Variants in GALNT3 observed in about 807,000 individuals in gnomAD.
GALNT3 encodes GalNAc transferase 3.
GALNT3 carries 51 observed loss-of-function variants against 69.8 expected under a neutral mutation model. That is an observed-to-expected ratio of 0.73 (90% confidence interval 0.58 to 0.92). GALNT3 has a LOEUF of 0.92. Among genes scored for constraint, GALNT3 ranks in the 40% least tolerant of loss-of-function variants. The pLI, the probability that GALNT3 is intolerant of heterozygous loss-of-function variation, is 0.00. For synonymous variants in GALNT3, 265 were observed against 248.5 expected (o/e 1.07, Z -0.63); for missense variants, 711 against 760.0 (o/e 0.94, Z 0.76).
intron 9 of GALNT3, 141 bp from the exon 10 acceptor site, chr2:165,750,035 C>A: frequency 1.2e-6 from 1 of 818,312 alleles, no homozygotes; most frequent in Non-Finnish European, 2.0e-6. Context: ...TTATTAGAAA[C>A]ATAAGCTGAG....
Position 165,785,006 on chromosome 2 carries a change from T to A in GALNT3, c.-109+9009A>T, listed in dbSNP as rs1683189984. On this transcript the variant is annotated intron_variant, in intron 1 of 10. Coordinates refer to ENST00000392701, the MANE Select transcript of GALNT3 (RefSeq NM_004482.4). ...ATCAGGTGTTTTTCCCCCTTTCTCC[T>A]TATCTCATTTGACTCAGAATTATCA... 2.0e-5 allele frequency among the ~76,000 whole-genome samples: 3 copies of A among 152,218 alleles called. No homozygotes were observed. The South Asian group carries it at 6.2e-4, about 31-fold the overall frequency.
At chr2:165,784,306 A>G (rs997400002) in intron 1 of GALNT3, among the ~76,000 whole-genome samples, 2 of 152,220 alleles carry the variant, frequency 1.3e-5, no homozygotes, top group African/African-American at 4.8e-5. Flanking sequence ...ACGGAAGTTT[A>G]GAATGATTGT....
intron 3 of GALNT3, among the ~76,000 whole-genome samples, chr2:165,762,983 T>A (rs950542712): frequency 9.1e-4 from 116 of 127,306 alleles, no homozygotes; most frequent in African/African-American, 3.1e-3. Flanking sequence ...TTTTTTTTTT[T>A]AGAGACGGGG....
rs771743247 is a variant in GALNT3, at chr2:165,759,480, T to C, written c.929A>G (p.Asp310Gly). The change falls in exon 5 of 11, where the codon GAT becomes GGT. Residue 310 changes from aspartate (D) to glycine (G), a missense_variant. By Grantham distance (94) the Asp-to-Gly change is moderately conservative. Coordinates refer to ENST00000392701, the MANE Select transcript of GALNT3 (RefSeq NM_004482.4). ...AVVSPDIASI[D>G]LNTFEFNKPS... Reference sequence around the variant, plus strand: ...TTTGTTGAATTCAAACGTGTTCAGATCTATGGATGCAATATCTGGACTTAC... The same window carrying C: ...TTTGTTGAATTCAAACGTGTTCAGACCTATGGATGCAATATCTGGACTTAC... 1 of 1,614,084 alleles carries C rather than the reference T, an allele frequency of 6.2e-7. No homozygotes were observed. Among genetic ancestry groups the C allele is most frequent in the South Asian group, 1.1e-5 (1 of 91,080 alleles).
intron 3 of GALNT3, among the ~76,000 whole-genome samples, chr2:165,763,412 C>A (rs1340483268): frequency 2.6e-5 from 4 of 152,116 alleles, no homozygotes; most frequent in East Asian, 3.8e-4. Flanking sequence ...AGTGCAGGAA[C>A]AACCCTTGTA....
At position 165,777,005 on chromosome 2, in the gene GALNT3, G is replaced by C. The variant is rs563415314; in HGVS notation, c.-108-6197C>G. On this transcript the variant is annotated intron_variant, in intron 1 of 10. Coordinates refer to ENST00000392701, the MANE Select transcript of GALNT3 (RefSeq NM_004482.4). ...AGCATAGGTTGCAGAAATATTAGTT[G>C]TTCATTTAACCTAAAAATTCCAACT... Among the ~76,000 whole-genome samples, 17 of 152,250 alleles carry C rather than the reference G, an allele frequency of 1.1e-4. 1 individual carries two copies. Among genetic ancestry groups the C allele is most frequent in the African/African-American group, 2.9e-4 (12 of 41,548 alleles).
intron 1 of GALNT3, among the ~76,000 whole-genome samples, chr2:165,792,760 C>T (rs1346708352): frequency 6.6e-6 from 1 of 151,738 alleles, no homozygotes; most frequent in East Asian, 1.9e-4. Context: ...AACATGTGCA[C>T]TAGATTTCAG....
rs2059432 is a variant in GALNT3, at chr2:165,764,803, G to C, written c.688+81C>G. The C allele has an allele frequency of 1.2e-3, 1,680 of 1,390,916 alleles. 15 individuals carry two copies. The African/African-American group carries it at 0.021, about 17-fold the overall frequency. 86.2% of individuals were successfully genotyped at this position (1,390,916 alleles called of 1,614,324 possible). A position where few individuals can be genotyped will look rare whatever the true frequency, so the allele number is the denominator to read the frequency against. On this transcript the variant is annotated intron_variant, in intron 3 of 10. Coordinates refer to ENST00000392701, the MANE Select transcript of GALNT3 (RefSeq NM_004482.4). Reference sequence around the variant, plus strand: ...TATTCAAGCTCTGAGATGGCATACAGAGAGTACCACATAACCAAGTAGACT... The same window carrying C: ...TATTCAAGCTCTGAGATGGCATACACAGAGTACCACATAACCAAGTAGACT...
At chr2:165,772,342 TAGGAAGCTG>T (rs2105422058) in intron 1 of GALNT3, among the ~76,000 whole-genome samples, 1 of 152,066 alleles carries the variant, frequency 6.6e-6, no homozygotes, top group South Asian at 2.1e-4. Flanking sequence ...CCCAACACTT[TAGGAAGCTG>T]AGGCCAGAGG....
intron 1 of GALNT3, among the ~76,000 whole-genome samples, chr2:165,789,160 T>C (rs2105233453): frequency 6.6e-6 from 1 of 152,266 alleles, no homozygotes. Flanking sequence ...ACTGGGTAAT[T>C]TAAACAACAC....
intron 1 of GALNT3, among the ~76,000 whole-genome samples, chr2:165,774,909 C>CTCTTT (rs1688817828): frequency 2.9e-5 from 3 of 104,330 alleles, no homozygotes; most frequent in African/African-American, 1.1e-4. Context: ...CTTCTTCTCT[C>CTCTTT]TTTTTTTTTT....
In GALNT3 at chr2:165,747,735, T is replaced by C. The variant is rs1688285112; in HGVS notation, c.*1046A>G. 6.4e-6 allele frequency: 1 copy of C among 157,360 alleles called. No individual in the cohort carries two copies. Among genetic ancestry groups the C allele is most frequent in the African/African-American group, 2.4e-5 (1 of 41,618 alleles). 9.7% of individuals were successfully genotyped at this position (157,360 alleles called of 1,614,324 possible). On this transcript the variant is annotated 3_prime_UTR_variant, in exon 11 of 11. Coordinates refer to ENST00000392701, the MANE Select transcript of GALNT3 (RefSeq NM_004482.4). ...GCGCTTAGAAATTCAGCATACAAAA[T>C]TCATTTTCCCCCACCTATTATCAAT... is the stretch of plus-strand genomic sequence containing the variant.
intron 1 of GALNT3, among the ~76,000 whole-genome samples, chr2:165,788,260 T>C (rs1683265925): frequency 7.4e-6 from 1 of 135,640 alleles, no homozygotes; most frequent in Admixed American, 8.9e-5. Context: ...GAGCTTGCAG[T>C]GAGCCAAGAT....
chr2:165,792,414 A>C (rs1162550184), intron 1 of GALNT3, among the ~76,000 whole-genome samples: 1 of 152,208 alleles, frequency 6.6e-6, no homozygotes, highest in Admixed American at 6.5e-5. Flanking sequence ...AGTATTTAGC[A>C]CATTTGTTTC....
intron 9 of GALNT3, among the ~76,000 whole-genome samples, chr2:165,752,838 T>C (rs920052042): frequency 6.6e-6 from 1 of 152,240 alleles, no homozygotes; most frequent in African/African-American, 2.4e-5. Context: ...CAATTATTTA[T>C]GTAACTATTT....
intron 1 of GALNT3, among the ~76,000 whole-genome samples, chr2:165,793,439 G>T (rs1225987833): frequency 1.3e-5 from 2 of 152,144 alleles, no homozygotes; most frequent in Admixed American, 1.3e-4. Context: ...GAGAGAGAGG[G>T]GTGTCCGCGT....
chr2:165,770,712 A>C lies in GALNT3; in HGVS notation c.-12T>G. On this transcript the variant is annotated 5_prime_UTR_variant, in exon 2 of 11. Transcript: ENST00000392701. ...TTTAGGTGAGCCATTCTGACATTAAAAGCTTGTCACTTGACAAATAACAGT... is the reference window on the plus strand; with the variant it reads ...TTTAGGTGAGCCATTCTGACATTAACAGCTTGTCACTTGACAAATAACAGT... 9 of 1,600,920 alleles carry C rather than the reference A, an allele frequency of 5.6e-6. No individual in the cohort carries two copies. Among genetic ancestry groups the C allele is most frequent in the Non-Finnish European group, 5.9e-6 (7 of 1,179,442 alleles).
intron 1 of GALNT3, among the ~76,000 whole-genome samples, chr2:165,779,991 G>A (rs1683068028): frequency 1.3e-5 from 2 of 152,166 alleles, no homozygotes; most frequent in African/African-American, 4.8e-5. Context: ...AATGAAGGAA[G>A]AAATCCAGTA....
chr2:165,770,057 T>A (rs1434168676), intron 2 of GALNT3, 129 bp downstream of exon 2: 1 of 1,031,412 alleles, frequency 9.7e-7, no homozygotes. Flanking sequence ...ATACAACAGG[T>A]TAAATAAACA....
Sources: gnomAD v4.1 joint callset for allele counts (sites outside exome capture counted in the v4.1 genomes callset) on GRCh38, gnomAD v4.1.1 for gene constraint, MANE v1.5 for transcripts, NCBI Gene and HGNC (gene_info 2026-07-23, HGNC 2026-07-21) for gene names.